Variants in ABCC1 observed in about 807,000 individuals in gnomAD.
ABCC1 encodes the protein multidrug resistance-associated protein 1.
ABCC1 carries 83 observed loss-of-function variants against 172.9 expected under a neutral mutation model. The ratio of observed to expected loss-of-function variants is 0.48; its 90% CI spans 0.40 to 0.58. The LOEUF is 0.58. Ranked by LOEUF, ABCC1 falls within the 20% of genes least tolerant of loss-of-function variation. The pLI, the probability that ABCC1 is intolerant of heterozygous loss-of-function variation, is 0.00. For missense variants in ABCC1, 1,817 were observed against 2,002.7 expected (o/e 0.91, Z 1.77); for synonymous variants, 937 against 825.2 (o/e 1.14, Z -2.32).
At chr16:16,043,683 C>T (rs1043305562) in intron 7 of ABCC1, among the ~76,000 whole-genome samples, 4 of 152,014 alleles carry the variant, frequency 2.6e-5, no homozygotes, top group Admixed American at 1.3e-4. Flanking sequence ...CTCACAGCAA[C>T]CTCCACCTCC....
chr16:16,114,009 T>A (rs1186073678), intron 22 of ABCC1, among the ~76,000 whole-genome samples: 1 of 152,190 alleles, frequency 6.6e-6, no homozygotes, highest in African/African-American at 2.4e-5. Flanking sequence ...ACCACTCACC[T>A]CCTGCTGTGG....
chr16:16,046,147 C>G, intron 9 of ABCC1, 134 bp downstream of exon 9: 1 of 992,770 alleles, frequency 1.0e-6, no homozygotes, highest in South Asian at 1.6e-5. Flanking sequence ...CTTCCGTGAC[C>G]TTAGGTGGCA....
At chr16:16,094,810 T>C (rs1428692478) in intron 19 of ABCC1, among the ~76,000 whole-genome samples, 1 of 141,074 alleles carries the variant, frequency 7.1e-6, no homozygotes, top group Non-Finnish European at 1.5e-5. Flanking sequence ...CCACTGCGCC[T>C]GGCCTTTTTT....
chr16:15,980,044 G>A (rs1360840915), intron 1 of ABCC1, among the ~76,000 whole-genome samples: 2 of 151,956 alleles, frequency 1.3e-5, no homozygotes, highest in Non-Finnish European at 2.9e-5. Context: ...GTGAGACATC[G>A]AAAAAATAAC....
intron 28 of ABCC1, among the ~76,000 whole-genome samples, 166 bp from the exon 29 acceptor site, chr16:16,136,312 C>T (rs1376606518): frequency 2.4e-4 from 36 of 152,266 alleles, no homozygotes; most frequent in Non-Finnish European, 4.4e-5. Context: ...GCGTGAACCA[C>T]CGTACCTGGC....
At chr16:15,959,995 C>T (rs2046092561) in intron 1 of ABCC1, among the ~76,000 whole-genome samples, 1 of 152,192 alleles carries the variant, frequency 6.6e-6, no homozygotes, top group Non-Finnish European at 1.5e-5. Context: ...TGAGTTTTCT[C>T]TCTGAGGAAC....
chr16:16,007,929 C>T lies in ABCC1; in HGVS notation c.162C>T (p.Phe54=), dbSNP rs2047610365. Residue 54 remains phenylalanine (F), a synonymous_variant, in exon 2 of 31, where the codon TTC becomes TTT. Coordinates refer to ENST00000399410, the MANE Select transcript of ABCC1 (RefSeq NM_004996.4). ...FYLWACFPFY[F]LYLSRHDRGY... is the part of the protein sequence containing the mutation. The stretch of plus-strand genomic sequence containing the variant: ...TCTGGGCCTGTTTCCCCTTCTACTT[C>T]CTCTATCTCTCCCGACATGACCGAG... 8 of 1,612,356 alleles carry T rather than the reference C, an allele frequency of 5.0e-6. No homozygotes were observed. Among genetic ancestry groups the T allele is most frequent in the Non-Finnish European group, 6.8e-6 (8 of 1,179,558 alleles).
At chr16:16,085,765 G>C (rs35605618) in intron 17 of ABCC1, among the ~76,000 whole-genome samples, 1 of 152,308 alleles carries the variant, frequency 6.6e-6, no homozygotes, top group East Asian at 1.9e-4. Context: ...GGGCGACAGA[G>C]TGAGATTCTG....
intron 5 of ABCC1, among the ~76,000 whole-genome samples, chr16:16,031,732 G>A (rs866509493): frequency 1.3e-5 from 2 of 152,012 alleles, no homozygotes; most frequent in South Asian, 2.1e-4. Flanking sequence ...TGTCTGCCTC[G>A]GGGGCGCCTT....
At chr16:16,112,686 G>T (rs2044671368) in intron 22 of ABCC1, among the ~76,000 whole-genome samples, 1 of 152,158 alleles carries the variant, frequency 6.6e-6, no homozygotes, top group Non-Finnish European at 1.5e-5. Flanking sequence ...AGCTCACGCT[G>T]TTATCCACTG....
intron 3 of ABCC1, among the ~76,000 whole-genome samples, chr16:16,012,704 TTGAGG>T (rs1307155757): frequency 6.5e-5 from 7 of 108,522 alleles, no homozygotes; most frequent in South Asian, 2.5e-4. Flanking sequence ...TTTTTTTCCT[TTGAGG>T]CAGAGTTTCG....
intron 1 of ABCC1, among the ~76,000 whole-genome samples, chr16:15,976,314 T>G (rs1180208860): frequency 6.6e-6 from 1 of 152,188 alleles, no homozygotes; most frequent in Non-Finnish European, 1.5e-5. Context: ...TTAAGGCTTC[T>G]TTGGCACTTC....
At chr16:16,027,545 G>A (rs1435541179) in intron 5 of ABCC1, among the ~76,000 whole-genome samples, 1 of 152,182 alleles carries the variant, frequency 6.6e-6, no homozygotes, top group African/African-American at 2.4e-5. Flanking sequence ...GGGCACGGTG[G>A]TTCATGCCTA....
intron 21 of ABCC1, among the ~76,000 whole-genome samples, chr16:16,111,088 A>T (rs13335850): frequency 0.34 from 51,336 of 151,864 alleles, 9,291 homozygotes; most frequent in African/African-American, 0.46. Context: ...TAATAGAGGC[A>T]GGATTTTGCC....
chr16:16,012,688 CTTTT>C (rs975934305), intron 3 of ABCC1, among the ~76,000 whole-genome samples: 4 of 131,820 alleles, frequency 3.0e-5, no homozygotes, highest in African/African-American at 1.3e-4. Flanking sequence ...TGTTCCTGGT[CTTTT>C]TTTTTTTTCC....
At chr16:15,996,974 A>C (rs781389305) in intron 1 of ABCC1, among the ~76,000 whole-genome samples, 3 of 152,014 alleles carry the variant, frequency 2.0e-5, no homozygotes, top group African/African-American at 7.2e-5. Context: ...GGGGTCCCCA[A>C]CTCTTTGAGT....
intron 14 of ABCC1, among the ~76,000 whole-genome samples, chr16:16,073,619 C>T (rs977739953): frequency 6.6e-6 from 1 of 152,094 alleles, no homozygotes; most frequent in Non-Finnish European, 1.5e-5. Context: ...ATTCACCAGG[C>T]ATGGTGGTGC....
At chr16:16,039,209 T>TTGTGTGTGTG (rs749877499) in intron 7 of ABCC1, among the ~76,000 whole-genome samples, 25 of 137,192 alleles carry the variant, frequency 1.8e-4, no homozygotes, top group African/African-American at 7.1e-4. Context: ...GAGGAAGCTT[T>TTGTGTGTGTG]TGTGTGTGTG....
chr16:16,106,622 A>T, intron 20 of ABCC1, 116 bp from the exon 21 acceptor site: 1 of 1,292,932 alleles, frequency 7.7e-7, no homozygotes, highest in Non-Finnish European at 1.1e-6. Context: ...GTGCATGTGG[A>T]AACACTCCGT....
Sources: gnomAD v4.1 joint callset for allele counts (sites outside exome capture counted in the v4.1 genomes callset) on GRCh38, gnomAD v4.1.1 for gene constraint, MANE v1.5 for transcripts, NCBI Gene and HGNC (gene_info 2026-07-23, HGNC 2026-07-21) for gene names.